FSTL4: variants seen among roughly 807,000 people sequenced by gnomAD.
The protein encoded by FSTL4 is follistatin-related protein 4.
FSTL4 carries 28 observed loss-of-function variants against 78.2 expected under a neutral mutation model. The observed-to-expected ratio is 0.36, with a 90% CI of 0.27 to 0.49. FSTL4 has a LOEUF of 0.49. Ranked by LOEUF, FSTL4 falls within the 20% of genes least tolerant of loss-of-function variation. FSTL4 has a pLI of 0.98. For missense variants in FSTL4, 922 were observed against 1,084.9 expected (o/e 0.85, Z 2.11); for synonymous variants, 422 against 440.5 (o/e 0.96, Z 0.53).
intron 6 of FSTL4, among the ~76,000 whole-genome samples, chr5:133,268,963 C>T (rs1421514005): frequency 2.6e-5 from 4 of 151,862 alleles, no homozygotes; most frequent in Admixed American, 6.6e-5. Context: ...GGGTAGATCA[C>T]CAGGTCAGGA....
intron 3 of FSTL4, among the ~76,000 whole-genome samples, chr5:133,428,586 T>A (rs1377419079): frequency 1.3e-5 from 2 of 152,208 alleles, no homozygotes; most frequent in East Asian, 3.8e-4. Context: ...GTTCTCAGCA[T>A]GGCAGCAGCT....
chr5:133,353,874 G>A (rs193250959), intron 4 of FSTL4, among the ~76,000 whole-genome samples: 2,017 of 152,310 alleles, frequency 0.013, 50 homozygotes, highest in South Asian at 0.019. Flanking sequence ...AGCCCTGAGC[G>A]TGCTGGACAG....
At chr5:133,528,284 G>A (rs1161586965) in intron 3 of FSTL4, among the ~76,000 whole-genome samples, 1 of 152,172 alleles carries the variant, frequency 6.6e-6, no homozygotes, top group Non-Finnish European at 1.5e-5. Context: ...GTAACTCTTG[G>A]CTTCTTCTCC....
intron 3 of FSTL4, among the ~76,000 whole-genome samples, chr5:133,460,334 G>C (rs1370358158): frequency 2.0e-5 from 3 of 151,994 alleles, no homozygotes; most frequent in Non-Finnish European, 2.9e-5. Context: ...AGCCACCGGG[G>C]GGATGACAGC....
At chr5:133,673,254 A>G in the FSTL4 span, among the ~76,000 whole-genome samples, 2 of 152,142 alleles carry the variant, frequency 1.3e-5, no homozygotes, top group African/African-American at 4.8e-5. Flanking sequence ...TCCTTTCACA[A>G]ACTGAAAGCA....
chr5:133,784,172 A>T, the FSTL4 span, among the ~76,000 whole-genome samples: 1 of 151,998 alleles, frequency 6.6e-6, no homozygotes, highest in African/African-American at 2.4e-5. Context: ...GTCATTAATG[A>T]TAGTAGTAAA....
the FSTL4 span, among the ~76,000 whole-genome samples, chr5:133,623,466 A>G: frequency 6.6e-6 from 1 of 151,962 alleles, no homozygotes; most frequent in Admixed American, 6.6e-5. Flanking sequence ...ATGTGTTTAG[A>G]CCCCTACCTC....
Position 133,514,703 on chromosome 5 carries a change from T to G in FSTL4, c.160+52483A>C, listed in dbSNP as rs75964326. 8.4e-4 allele frequency among the ~76,000 whole-genome samples: 128 copies of G among 152,224 alleles called. 1 individual carries two copies. The East Asian group carries it at 0.024, about 29-fold the overall frequency. On this transcript the variant is annotated intron_variant, in intron 3 of 15. Transcript: ENST00000265342. ...GATACTACACTTACCCAAATAAACA[T>G]TTGGATAATGAAGACAAAGGACAAG...
intron 4 of FSTL4, among the ~76,000 whole-genome samples, chr5:133,360,083 C>T (rs1036927555): frequency 6.6e-6 from 1 of 152,270 alleles, no homozygotes; most frequent in African/African-American, 2.4e-5. Flanking sequence ...GGACCCTCAG[C>T]GTGGCCTCCC....
intron 4 of FSTL4, among the ~76,000 whole-genome samples, chr5:133,334,749 C>T (rs557426250): frequency 7.2e-5 from 11 of 152,006 alleles, no homozygotes; most frequent in Middle Eastern, 3.2e-3. Flanking sequence ...TGGGAAGGTG[C>T]GGGGCTCACA....
chr5:133,701,511 C>CACACACACA, the FSTL4 span, among the ~76,000 whole-genome samples: 1 of 63,518 alleles, frequency 1.6e-5, no homozygotes, highest in East Asian at 6.3e-4. Context: ...ACACACACAC[C>CACACACACA]CCACAGGCCA....
chr5:133,205,072 T>C (rs1469693534), intron 14 of FSTL4, among the ~76,000 whole-genome samples: 1 of 152,226 alleles, frequency 6.6e-6, no homozygotes, highest in Non-Finnish European at 1.5e-5. Context: ...ATTCCTGGTA[T>C]TATGCTTTCA....
At chr5:133,466,404 C>CAT (rs1757708613) in intron 3 of FSTL4, among the ~76,000 whole-genome samples, 1 of 151,880 alleles carries the variant, frequency 6.6e-6, no homozygotes, top group Admixed American at 6.6e-5. Flanking sequence ...TAGCCGGGTG[C>CAT]GGTGGCAGGC....
At chr5:133,548,379 G>A (rs1759624626) in intron 3 of FSTL4, among the ~76,000 whole-genome samples, 1 of 152,050 alleles carries the variant, frequency 6.6e-6, no homozygotes, top group African/African-American at 2.4e-5. Flanking sequence ...TAACTCCAGG[G>A]GGTTAGTGGC....
At position 133,312,680 on chromosome 5, in the gene FSTL4, G is replaced by T; in HGVS notation, c.701C>A (p.Thr234Asn). ...GAAGGCCATGTAGAACTCGCGGAGG[G>T]TCAGGGAGCTGTCACTGTTGTAATC... ...FDDYNSDSSLTLREFYMAFQV... is the reference protein window; with the variant it reads ...FDDYNSDSSLNLREFYMAFQV... The change falls in exon 6 of 16, where the codon ACC becomes AAC. Residue 234 changes from threonine (T) to asparagine (N), a missense_variant. Coordinates refer to ENST00000265342, the MANE Select transcript of FSTL4 (RefSeq NM_015082.2). The T allele has an allele frequency of 3.1e-6, 5 of 1,614,044 alleles. No homozygotes were observed. The highest frequency in any genetic ancestry group is 3.4e-6 in the Non-Finnish European group (4 of 1,179,908).
intron 2 of FSTL4, among the ~76,000 whole-genome samples, chr5:133,601,631 T>C (rs1447985025): frequency 6.6e-6 from 1 of 151,822 alleles, no homozygotes; most frequent in Non-Finnish European, 1.5e-5. Flanking sequence ...TTAAAATAAA[T>C]GTTCTGCTCT....
intron 6 of FSTL4, among the ~76,000 whole-genome samples, chr5:133,260,247 C>T (rs1487932852): frequency 6.6e-6 from 1 of 152,180 alleles, no homozygotes; most frequent in African/African-American, 2.4e-5. Context: ...ACAGGCTGTG[C>T]CCTCTCCAAA....
At chr5:133,210,497 A>G (rs1196651175) in intron 13 of FSTL4, among the ~76,000 whole-genome samples, 199 bp from the exon 14 acceptor site, 1 of 118,690 alleles carries the variant, frequency 8.4e-6, no homozygotes, top group Non-Finnish European at 1.9e-5. Flanking sequence ...TATTATTATT[A>G]TTATTAATTT....
chr5:133,216,526 T>A (rs1284923064), intron 13 of FSTL4, among the ~76,000 whole-genome samples: 2 of 152,130 alleles, frequency 1.3e-5, no homozygotes, highest in Admixed American at 6.5e-5. Context: ...TTTTTTTGTA[T>A]TTTTAGTAGA....
Sources: gnomAD v4.1 joint callset for allele counts (sites outside exome capture counted in the v4.1 genomes callset) on GRCh38, gnomAD v4.1.1 for gene constraint, MANE v1.5 for transcripts, NCBI Gene and HGNC (gene_info 2026-07-23, HGNC 2026-07-21) for gene names.